DMD: variants seen among roughly 807,000 people sequenced by gnomAD.
The protein encoded by DMD is dystrophin.
Under a neutral mutation model 330.1 loss-of-function variants are expected in DMD, and 63 were observed. The observed-to-expected ratio is 0.19, with a 90% confidence interval of 0.16 to 0.24. DMD has a LOEUF of 0.24. DMD is among the 10% of genes least tolerant of loss of function. DMD has a pLI of 1.00. For synonymous variants in DMD, 1,223 were observed against 959.8 expected (o/e 1.27, Z -5.07); for missense variants, 3,344 against 2,684.1 (o/e 1.25, Z -5.43).
intron 76 of DMD, among the ~76,000 whole-genome samples, chrX:31,141,515 G>T (rs973032670): frequency 5.4e-5 from 6 of 111,930 alleles, no homozygotes; most frequent in African/African-American, 2.0e-4. Flanking sequence ...GTCTGTTCAG[G>T]TAACACATGA....
intron 44 of DMD, among the ~76,000 whole-genome samples, chrX:32,171,018 G>T (rs1343693967): frequency 9.0e-6 from 1 of 111,472 alleles, no homozygotes; most frequent in Non-Finnish European, 1.9e-5. Flanking sequence ...TATAAAATTA[G>T]TCATACTGTG....
chrX:32,261,205 C>G (rs1315962557), intron 43 of DMD, among the ~76,000 whole-genome samples: 1 of 111,811 alleles, frequency 8.9e-6, no homozygotes, highest in Non-Finnish European at 1.9e-5. Flanking sequence ...CGTTTGAAAT[C>G]AAAGCTATCA....
intron 43 of DMD, among the ~76,000 whole-genome samples, chrX:32,229,625 A>G (rs6631521): frequency 0.069 from 6,391 of 92,685 alleles, 435 homozygotes; most frequent in East Asian, 0.44. Context: ...TATGATTGAC[A>G]TACAAAAAGC....
chrX:32,475,879 T>C (rs1437538910), intron 21 of DMD, among the ~76,000 whole-genome samples: 1 of 111,120 alleles, frequency 9.0e-6, no homozygotes, highest in Non-Finnish European at 1.9e-5. Context: ...TTCTTTCTCT[T>C]GTCTGACTGC....
At chrX:33,309,092 A>G (rs1216307763) in intron 1 of DMD, among the ~76,000 whole-genome samples, 1 of 111,593 alleles carries the variant, frequency 9.0e-6, no homozygotes, top group Admixed American at 9.6e-5. Context: ...CTAACAGTAC[A>G]TAACAGAGCC....
intron 41 of DMD, among the ~76,000 whole-genome samples, chrX:32,332,765 T>C (rs1236364055): frequency 9.0e-6 from 1 of 111,491 alleles, no homozygotes; most frequent in Non-Finnish European, 1.9e-5. Flanking sequence ...TGATCAGATT[T>C]AAATATGGTT....
chrX:31,516,261 G>A (rs1389498724), intron 55 of DMD, among the ~76,000 whole-genome samples: 1 of 101,144 alleles, frequency 9.9e-6, no homozygotes, highest in African/African-American at 3.6e-5. Flanking sequence ...ATTATGGATT[G>A]GGAATTAAAA....
chrX:32,412,338 T>G, intron 29 of DMD: 1 of 546,814 alleles, frequency 1.8e-6, no homozygotes, highest in Non-Finnish European at 2.7e-6. Context: ...CTTCCACCAG[T>G]GAGATACATG....
intron 2 of DMD, among the ~76,000 whole-genome samples, chrX:32,859,479 A>T (rs1294341681): frequency 2.4e-5 from 2 of 83,413 alleles, no homozygotes; most frequent in Admixed American, 1.2e-4. Flanking sequence ...ACACACACAC[A>T]CACACACACA....
At chrX:32,895,644 G>A (rs757002327) in intron 2 of DMD, among the ~76,000 whole-genome samples, 1 of 111,667 alleles carries the variant, frequency 9.0e-6, no homozygotes, top group Non-Finnish European at 1.9e-5. Context: ...TCAACAGAGA[G>A]GAATAATCCA....
intron 18 of DMD, among the ~76,000 whole-genome samples, chrX:32,509,694 C>T (rs1189239949): frequency 1.8e-5 from 2 of 111,670 alleles, no homozygotes. Context: ...CCTTTTTCTT[C>T]TTAGAAGTAT....
intron 44 of DMD, among the ~76,000 whole-genome samples, chrX:32,202,295 A>G (rs2147734787): frequency 9.0e-6 from 1 of 111,633 alleles, no homozygotes; most frequent in East Asian, 2.8e-4. Flanking sequence ...TTAAAATAAG[A>G]CTCCTGAGTA....
intron 2 of DMD, among the ~76,000 whole-genome samples, chrX:32,931,213 A>AG (rs2089563499): frequency 9.1e-6 from 1 of 110,339 alleles, no homozygotes; most frequent in African/African-American, 3.3e-5. Context: ...TTTACTAATA[A>AG]GCTGCTATAA....
At chrX:31,381,962 G>A (rs1451134770) in intron 60 of DMD, among the ~76,000 whole-genome samples, 1 of 111,701 alleles carries the variant, frequency 9.0e-6, no homozygotes, top group Non-Finnish European at 1.9e-5. Flanking sequence ...CCCGAGTCAA[G>A]AAACTAAAAT....
upstream of DMD, among the ~76,000 whole-genome samples, chrX:33,212,049 G>C (rs2051939731): frequency 8.9e-6 from 1 of 112,146 alleles, no homozygotes; most frequent in Non-Finnish European, 1.9e-5. Context: ...GATGCCAACA[G>C]TCTGAATAAG....
chrX:31,283,013 G>A (rs893525541), intron 62 of DMD, among the ~76,000 whole-genome samples: 3 of 111,134 alleles, frequency 2.7e-5, no homozygotes, highest in African/African-American at 9.8e-5. Context: ...GAATCAATGT[G>A]TCAACTCATT....
chrX:32,230,795 A>G (rs1283496528), intron 43 of DMD, among the ~76,000 whole-genome samples: 5 of 111,754 alleles, frequency 4.5e-5, no homozygotes, highest in African/African-American at 1.3e-4. Flanking sequence ...TTGTTATAAG[A>G]ATTAAAAATA....
chrX:32,187,160 G>C (rs1380572898), intron 44 of DMD, among the ~76,000 whole-genome samples: 1 of 110,723 alleles, frequency 9.0e-6, no homozygotes, highest in Non-Finnish European at 1.9e-5. Context: ...TCATCTCCTT[G>C]CTTTTCAACC....
intron 1 of DMD, among the ~76,000 whole-genome samples, chrX:33,026,413 G>C (rs1206754494): frequency 7.5e-5 from 8 of 106,162 alleles, no homozygotes; most frequent in African/African-American, 2.8e-4. Flanking sequence ...TCTATTCTCT[G>C]CTTCCATCAA....
Sources: gnomAD v4.1 joint callset for allele counts (sites outside exome capture counted in the v4.1 genomes callset) on GRCh38, gnomAD v4.1.1 for gene constraint, MANE v1.5 for transcripts, NCBI Gene and HGNC (gene_info 2026-07-23, HGNC 2026-07-21) for gene names.